The following SUGCT variants were observed in gnomAD, a reference collection of about 807,000 sequenced individuals.
SUGCT encodes succinyl-CoA:glutarate CoA-transferase.
SUGCT carries 41 observed loss-of-function variants against 55.0 expected under a neutral mutation model. The observed-to-expected ratio is 0.74, with a 90% confidence interval of 0.58 to 0.97. The LOEUF is 0.97. Among genes scored for constraint, SUGCT ranks in the 50% least tolerant of loss-of-function variants. The pLI, the probability that SUGCT is intolerant of heterozygous loss-of-function variation, is 0.00. For missense variants in SUGCT, 568 were observed against 547.8 expected (o/e 1.04, Z -0.37); for synonymous variants, 187 against 200.4 (o/e 0.93, Z 0.56).
At chr7:40,242,452 G>A (rs867524555) in intron 7 of SUGCT, among the ~76,000 whole-genome samples, 2 of 152,056 alleles carry the variant, frequency 1.3e-5, no homozygotes, top group Non-Finnish European at 2.9e-5. Flanking sequence ...GATTACAGGT[G>A]TGAGCCACCA....
the SUGCT span, among the ~76,000 whole-genome samples, chr7:40,981,684 A>G: frequency 2.6e-5 from 4 of 152,254 alleles, no homozygotes; most frequent in Non-Finnish European, 1.5e-5. Flanking sequence ...CCTCAGCTAA[A>G]TATCCAATTT....
the SUGCT span, among the ~76,000 whole-genome samples, chr7:41,006,629 G>A: frequency 2.0e-5 from 3 of 152,158 alleles, no homozygotes; most frequent in East Asian, 3.9e-4. Flanking sequence ...AAAGAAATAT[G>A]CTTGTTTCAG....
chr7:40,492,138 A>G (rs1791718065), intron 11 of SUGCT, among the ~76,000 whole-genome samples: 1 of 152,152 alleles, frequency 6.6e-6, no homozygotes, highest in Admixed American at 6.5e-5. Flanking sequence ...GATTTGACAA[A>G]TGATCACTGG....
At chr7:41,036,143 A>G in the SUGCT span, among the ~76,000 whole-genome samples, 1 of 152,138 alleles carries the variant, frequency 6.6e-6, no homozygotes, top group Non-Finnish European at 1.5e-5. Flanking sequence ...GCTCAAACAA[A>G]TTTGTGGAAT....
intron 12 of SUGCT, among the ~76,000 whole-genome samples, chr7:40,615,877 T>C (rs1798980121): frequency 6.6e-6 from 1 of 152,214 alleles, no homozygotes; most frequent in African/African-American, 2.4e-5. Context: ...CTTCACTGCA[T>C]GGAAAGTAAA....
At chr7:40,950,504 G>A in the SUGCT span, among the ~76,000 whole-genome samples, 2 of 152,162 alleles carry the variant, frequency 1.3e-5, no homozygotes, top group African/African-American at 4.8e-5. Context: ...TTGAATAGGA[G>A]TGGTGAGAGA....
chr7:40,154,932 C>T (rs1434832367), intron 1 of SUGCT, among the ~76,000 whole-genome samples: 3 of 152,192 alleles, frequency 2.0e-5, no homozygotes, highest in Non-Finnish European at 4.4e-5. Flanking sequence ...AAATAGAGGA[C>T]TAGGATTTAT....
At chr7:40,745,395 A>G (rs576250274) in intron 12 of SUGCT, among the ~76,000 whole-genome samples, 164 of 152,062 alleles carry the variant, frequency 1.1e-3, no homozygotes, top group Non-Finnish European at 1.9e-3. Context: ...CTGCCATAGG[A>G]CTTTATAAAA....
At chr7:40,944,413 G>A in the SUGCT span, among the ~76,000 whole-genome samples, 1 of 151,294 alleles carries the variant, frequency 6.6e-6, no homozygotes, top group Admixed American at 6.6e-5. Flanking sequence ...TATGGTTTTA[G>A]GTCTAACGTT....
intron 3 of SUGCT, among the ~76,000 whole-genome samples, chr7:40,182,637 C>G (rs1785284708): frequency 6.6e-6 from 1 of 151,924 alleles, no homozygotes; most frequent in East Asian, 1.9e-4. Flanking sequence ...ACCTACAGTG[C>G]CGGGGCAAAG....
intron 12 of SUGCT, among the ~76,000 whole-genome samples, chr7:40,513,168 A>G (rs1793032534): frequency 2.0e-5 from 3 of 152,056 alleles, no homozygotes; most frequent in Non-Finnish European, 4.4e-5. Flanking sequence ...AAAATCATAC[A>G]TCGTGTGATT....
chr7:40,169,930 A>G (rs1383049601), intron 1 of SUGCT, among the ~76,000 whole-genome samples: 2 of 152,178 alleles, frequency 1.3e-5, no homozygotes, highest in Non-Finnish European at 2.9e-5. Flanking sequence ...TTGACCTTCA[A>G]TAGAGTCAGG....
intron 10 of SUGCT, among the ~76,000 whole-genome samples, chr7:40,450,729 GC>G (rs1370166031): frequency 1.3e-5 from 2 of 151,734 alleles, no homozygotes; most frequent in Non-Finnish European, 2.9e-5. Flanking sequence ...AGCCGAGATT[GC>G]GCCACTGCAC....
At chr7:40,915,237 G>A in the SUGCT span, among the ~76,000 whole-genome samples, 1 of 152,120 alleles carries the variant, frequency 6.6e-6, no homozygotes, top group African/African-American at 2.4e-5. Context: ...AAAGTCGAAG[G>A]TCACTAAGGG....
chr7:40,670,191 A>AAAG (rs1005001390), intron 12 of SUGCT, among the ~76,000 whole-genome samples: 16 of 148,772 alleles, frequency 1.1e-4, no homozygotes, highest in South Asian at 2.1e-4. Flanking sequence ...AAAAAAAAAA[A>AAAG]AAGAAGAAGA....
At chr7:40,251,816 G>A (rs181087007) in intron 7 of SUGCT, among the ~76,000 whole-genome samples, 38 of 151,990 alleles carry the variant, frequency 2.5e-4, no homozygotes, top group African/African-American at 8.7e-4. Context: ...GCAGTGAGGT[G>A]CTGTCCACAC....
rs146035598 is a variant in SUGCT at position 40,640,904 on chromosome 7, C to T, written c.1090-108530C>T. Among the ~76,000 whole-genome samples the T allele has an allele frequency of 4.2e-3, 643 of 152,322 alleles. 4 individuals carry two copies. Among genetic ancestry groups the T allele is most frequent in the African/African-American group, 0.014 (596 of 41,570 alleles). On this transcript the variant is annotated intron_variant, in intron 12 of 13. Coordinates refer to ENST00000335693, the MANE Select transcript of SUGCT (RefSeq NM_001193313.2). Reference sequence around the variant, plus strand: ...CCTGGTAAAGGGGACTTGGACCTGGCTGGAAGCCAAGGAAGGACCTGGGGC... The same window carrying T: ...CCTGGTAAAGGGGACTTGGACCTGGTTGGAAGCCAAGGAAGGACCTGGGGC...
At chr7:40,256,073 A>G (rs777088075) in intron 7 of SUGCT, among the ~76,000 whole-genome samples, 14 of 152,218 alleles carry the variant, frequency 9.2e-5, no homozygotes, top group Non-Finnish European at 1.6e-4. Context: ...CATGAAATCT[A>G]AATTTCTTTA....
intron 9 of SUGCT, among the ~76,000 whole-genome samples, chr7:40,392,819 A>G (rs547732879): frequency 6.6e-6 from 1 of 152,326 alleles, no homozygotes; most frequent in East Asian, 1.9e-4. Flanking sequence ...TTTGAGATGT[A>G]AGTTTGAAAA....
Sources: gnomAD v4.1 joint callset for allele counts (sites outside exome capture counted in the v4.1 genomes callset) on GRCh38, gnomAD v4.1.1 for gene constraint, MANE v1.5 for transcripts, NCBI Gene and HGNC (gene_info 2026-07-23, HGNC 2026-07-21) for gene names.